Variants in KCNH7 observed in about 807,000 individuals in gnomAD.
KCNH7 encodes the protein potassium voltage-gated channel subfamily H member 7.
In KCNH7, 49 loss-of-function variants were observed where a neutral mutation model predicts 120.8. That is an observed-to-expected ratio of 0.41 (90% confidence interval 0.32 to 0.51). The LOEUF (loss-of-function observed/expected upper bound fraction) is 0.51. Among genes scored for constraint, KCNH7 ranks in the 20% least tolerant of loss-of-function variants. The pLI, the probability that KCNH7 is intolerant of heterozygous loss-of-function variation, is 0.38. For synonymous variants in KCNH7, 547 were observed against 516.1 expected (o/e 1.06, Z -0.81); for missense variants, 1,097 against 1,446.6 (o/e 0.76, Z 3.92).
intron 2 of KCNH7, among the ~76,000 whole-genome samples, chr2:162,731,535 C>T (rs1194948417): frequency 2.0e-5 from 3 of 151,558 alleles, no homozygotes; most frequent in Non-Finnish European, 4.4e-5. Context: ...GGTGAATAAA[C>T]AAATAGTGAT....
chr2:162,510,637 A>G (rs1448989466), intron 5 of KCNH7, among the ~76,000 whole-genome samples: 1 of 151,644 alleles, frequency 6.6e-6, no homozygotes, highest in African/African-American at 2.4e-5. Flanking sequence ...CAACCAAAAA[A>G]TGTTTTTTGG....
intron 2 of KCNH7, among the ~76,000 whole-genome samples, chr2:162,571,280 G>A (rs1172601559): frequency 6.6e-6 from 1 of 152,048 alleles, no homozygotes; most frequent in Non-Finnish European, 1.5e-5. Context: ...AATCATGAGT[G>A]GACTCCCATT....
chr2:162,728,113 G>A (rs999475536), intron 2 of KCNH7, among the ~76,000 whole-genome samples: 1 of 151,092 alleles, frequency 6.6e-6, no homozygotes, highest in Non-Finnish European at 1.5e-5. Context: ...ATTTTCATCA[G>A]CAGTATATGA....
At position 162,569,433 on chromosome 2, in the gene KCNH7, A is replaced by C. The variant is rs371174389; in HGVS notation, c.308-32353T>G. On this transcript the variant is annotated intron_variant, in intron 2 of 15. Transcript: ENST00000332142. ...ATTCTTCTCTCTTTTTTTCTTTATT[A>C]GTCTTGCTAGCGGTCTATCAATTTT... is the stretch of plus-strand genomic sequence containing the variant. Among the ~76,000 whole-genome samples the C allele has an allele frequency of 2.7e-5, 4 of 147,222 alleles. No individual in the cohort carries two copies. The East Asian group carries it at 6.0e-4, about 22-fold the overall frequency.
At chr2:162,722,695 T>C (rs1003502068) in intron 2 of KCNH7, among the ~76,000 whole-genome samples, 1 of 152,090 alleles carries the variant, frequency 6.6e-6, no homozygotes, top group Non-Finnish European at 1.5e-5. Flanking sequence ...TTTTTGGCCC[T>C]TTCTTTCGCT....
At chr2:162,730,832 A>C (rs1355864483) in intron 2 of KCNH7, among the ~76,000 whole-genome samples, 1 of 152,124 alleles carries the variant, frequency 6.6e-6, no homozygotes, top group African/African-American at 2.4e-5. Context: ...CAAAATTAAA[A>C]GTGATGAGAC....
rs114853312 is a variant in KCNH7, at chr2:162,710,370, A to G, written c.307+126167T>C. Among the ~76,000 whole-genome samples, 1,003 of 152,246 alleles carry G rather than the reference A, an allele frequency of 6.6e-3. 13 individuals are homozygous for G. The highest frequency in any genetic ancestry group is 0.023 in the African/African-American group (939 of 41,548). ...TTTTAGAATTTTTTTTAGAACTTCTATTTTTGTTTCCATTGATCTGCTAAT... is the reference window on the plus strand; with the variant it reads ...TTTTAGAATTTTTTTTAGAACTTCTGTTTTTGTTTCCATTGATCTGCTAAT... On this transcript the variant is annotated intron_variant, in intron 2 of 15. Transcript: ENST00000332142.
At chr2:162,415,890 C>T (rs771680669) in intron 9 of KCNH7, among the ~76,000 whole-genome samples, 1 of 152,144 alleles carries the variant, frequency 6.6e-6, no homozygotes, top group Non-Finnish European at 1.5e-5. Flanking sequence ...TCTGCTTTTA[C>T]TCCAAGAATG....
At chr2:162,773,639 CAAAAGCAAAAACA>C (rs1408089454) in intron 2 of KCNH7, among the ~76,000 whole-genome samples, 19 of 151,796 alleles carry the variant, frequency 1.3e-4, no homozygotes, top group Admixed American at 5.2e-4. Context: ...CAAAAACCTA[CAAAAGCAAAAACA>C]AAAGAAAAAA....
chr2:162,435,051 T>C (rs776109335), intron 8 of KCNH7, 147 bp downstream of exon 8: 41 of 710,884 alleles, frequency 5.8e-5, no homozygotes, highest in Admixed American at 1.2e-4. Context: ...GAATCAGATT[T>C]GATGGAATAC....
chr2:162,481,763 T>C (rs935309115), intron 6 of KCNH7, among the ~76,000 whole-genome samples: 2 of 152,240 alleles, frequency 1.3e-5, no homozygotes, highest in Non-Finnish European at 2.9e-5. Context: ...CCTTCTCTTA[T>C]GAATGCTGAG....
At chr2:162,505,300 A>AT (rs1191252514) in intron 5 of KCNH7, among the ~76,000 whole-genome samples, 1 of 151,820 alleles carries the variant, frequency 6.6e-6, no homozygotes, top group East Asian at 1.9e-4. Context: ...CATATGTGGG[A>AT]TTTTTAGATC....
chr2:162,734,802 T>A (rs555800910), intron 2 of KCNH7, among the ~76,000 whole-genome samples: 4 of 152,224 alleles, frequency 2.6e-5, no homozygotes, highest in African/African-American at 9.6e-5. Flanking sequence ...TAGAAAAACA[T>A]CTGATTACTT....
chr2:162,760,185 A>T (rs969978154), intron 2 of KCNH7, among the ~76,000 whole-genome samples: 2 of 152,122 alleles, frequency 1.3e-5, no homozygotes, highest in African/African-American at 2.4e-5. Flanking sequence ...TGGAAATCTA[A>T]CGCAGGGGAT....
At chr2:162,799,535 T>C (rs1684267320) in intron 2 of KCNH7, among the ~76,000 whole-genome samples, 1 of 152,024 alleles carries the variant, frequency 6.6e-6, no homozygotes, top group Non-Finnish European at 1.5e-5. Context: ...ATTATAAATA[T>C]TTATAAGTAA....
At chr2:162,662,656 G>A (rs1475959788) in intron 2 of KCNH7, among the ~76,000 whole-genome samples, 1 of 152,130 alleles carries the variant, frequency 6.6e-6, no homozygotes, top group East Asian at 1.9e-4. Flanking sequence ...AGTTCCTTTA[G>A]AGGTCCTCTG....
At chr2:162,449,332 T>C (rs1215321635) in intron 6 of KCNH7, among the ~76,000 whole-genome samples, 1 of 152,070 alleles carries the variant, frequency 6.6e-6, no homozygotes, top group Non-Finnish European at 1.5e-5. Flanking sequence ...TTATTTACAA[T>C]GTTAGATAAA....
chr2:162,699,419 C>T (rs1278045526), intron 2 of KCNH7, among the ~76,000 whole-genome samples: 2 of 152,146 alleles, frequency 1.3e-5, no homozygotes, highest in East Asian at 3.9e-4. Context: ...TCATTACATC[C>T]TCATTCCCCA....
chr2:162,457,810 G>C (rs983308694), intron 6 of KCNH7, among the ~76,000 whole-genome samples: 4 of 152,046 alleles, frequency 2.6e-5, no homozygotes, highest in Non-Finnish European at 5.9e-5. Flanking sequence ...GTAACAAAAT[G>C]AATCAGATAG....
Sources: gnomAD v4.1 joint callset for allele counts (sites outside exome capture counted in the v4.1 genomes callset) on GRCh38, gnomAD v4.1.1 for gene constraint, MANE v1.5 for transcripts, NCBI Gene and HGNC (gene_info 2026-07-23, HGNC 2026-07-21) for gene names.